Variants in ARHGAP6 observed in about 807,000 individuals in gnomAD.
ARHGAP6 encodes the protein rho GTPase-activating protein 6.
Under a neutral mutation model 55.7 loss-of-function variants are expected in ARHGAP6, and 16 were observed. The ratio of observed to expected loss-of-function variants is 0.29; its 90% CI spans 0.19 to 0.44. The LOEUF is 0.44. Among genes scored for constraint, ARHGAP6 ranks in the 20% least tolerant of loss-of-function variants. The pLI, the probability that ARHGAP6 is intolerant of heterozygous loss-of-function variation, is 1.00. For synonymous variants in ARHGAP6, 382 were observed against 360.9 expected, an observed-to-expected ratio of 1.06 and a Z score of -0.66; for missense variants, 698 against 808.9, an observed-to-expected ratio of 0.86 and a Z score of 1.66.
At chrX:11,382,350 A>C (rs962879640) in intron 1 of ARHGAP6, among the ~76,000 whole-genome samples, 3 of 111,438 alleles carry the variant, frequency 2.7e-5, no homozygotes, top group Non-Finnish European at 5.7e-5. Context: ...GATAGATATA[A>C]AGGTTATTGG....
chrX:11,341,640 T>G (rs2048707728), intron 1 of ARHGAP6, among the ~76,000 whole-genome samples: 3 of 111,944 alleles, frequency 2.7e-5, no homozygotes, highest in Non-Finnish European at 3.8e-5. Flanking sequence ...CTTCACATAT[T>G]ATGCTGACAA....
intron 1 of ARHGAP6, among the ~76,000 whole-genome samples, chrX:11,289,727 C>T (rs1312586029): frequency 8.9e-6 from 1 of 111,918 alleles, no homozygotes; most frequent in Non-Finnish European, 1.9e-5. Flanking sequence ...TGGCTCATGC[C>T]TGTAATCCCA....
intron 2 of ARHGAP6, among the ~76,000 whole-genome samples, chrX:11,229,778 C>T (rs2047101771): frequency 9.0e-6 from 1 of 111,661 alleles, no homozygotes; most frequent in Non-Finnish European, 1.9e-5. Flanking sequence ...GAGAGACTTA[C>T]TCTCATTTTC....
chrX:11,298,411 T>C (rs2048120518), intron 1 of ARHGAP6: 1 of 1,117,819 alleles, frequency 8.9e-7, no homozygotes, highest in Admixed American at 2.2e-5. Flanking sequence ...ATCATATCTG[T>C]GTACACAGTT....
chrX:11,560,278 G>A (rs2051371580), intron 1 of ARHGAP6, among the ~76,000 whole-genome samples: 1 of 112,006 alleles, frequency 8.9e-6, no homozygotes, highest in Non-Finnish European at 1.9e-5. Flanking sequence ...GTAAACAAAT[G>A]CATATGACTG....
In ARHGAP6 at chrX:11,369,194, T is replaced by G. The variant is rs532860506; in HGVS notation, c.589-114487A>C. On this transcript the variant is annotated intron_variant, in intron 1 of 12. Coordinates refer to ENST00000337414, the MANE Select transcript of ARHGAP6 (RefSeq NM_013427.3). Reference sequence around the variant, plus strand: ...TGTTTGTTTGTTTGTTTGTTTGTTTTTTTGCCTACTCCCCTTCCTGATGAT... The same window carrying G: ...TGTTTGTTTGTTTGTTTGTTTGTTTGTTTGCCTACTCCCCTTCCTGATGAT... Among the ~76,000 whole-genome samples the G allele has an allele frequency of 1.9e-4, 21 of 111,349 alleles. No homozygotes were observed. In the South Asian group the frequency reaches 3.8e-3, roughly 20 times the overall value.
chrX:11,186,424 A>G lies in ARHGAP6; in HGVS notation c.1085T>C (p.Met362Thr). The part of the protein sequence containing the change: ...PAPRARRRGA[M>T]SVDSITDLDD... ...AAGATCGGTGATAGAATCCACTGAC[A>G]TGGCACCCTGCAAGTGACACAGAGC... Residue 362 changes from methionine (M) to threonine (T), a missense_variant, in exon 5 of 13, where the codon ATG becomes ACG. By Grantham distance (81) the Met-to-Thr change is moderately conservative (BLOSUM62 -1). Transcript: ENST00000337414. The G allele has an allele frequency of 1.7e-6, 2 of 1,209,751 alleles. No individual in the cohort carries two copies. The highest frequency in any genetic ancestry group is 2.2e-6 in the Non-Finnish European group (2 of 894,106).
intron 1 of ARHGAP6, among the ~76,000 whole-genome samples, chrX:11,460,555 G>A (rs2050234683): frequency 9.0e-6 from 1 of 111,673 alleles, no homozygotes; most frequent in African/African-American, 3.3e-5. Context: ...CTCTTATGCA[G>A]CCAAAACAAT....
At chrX:11,295,616 C>T (rs951537136) in intron 1 of ARHGAP6, among the ~76,000 whole-genome samples, 1 of 110,795 alleles carries the variant, frequency 9.0e-6, no homozygotes, top group Admixed American at 9.6e-5. Context: ...TGCACCCTTG[C>T]CTCCTCTCTT....
chrX:11,276,805 C>T (rs748640334), intron 1 of ARHGAP6, among the ~76,000 whole-genome samples: 21 of 112,194 alleles, frequency 1.9e-4, no homozygotes, highest in Non-Finnish European at 3.2e-4. Context: ...GAAAATCATG[C>T]TTTCTCTGAG....
At chrX:11,172,118 C>T (rs768439186) in intron 8 of ARHGAP6, among the ~76,000 whole-genome samples, 1 of 110,979 alleles carries the variant, frequency 9.0e-6, no homozygotes, top group East Asian at 2.8e-4. Context: ...GCCCTCTGAA[C>T]CCCACTCTCA....
At chrX:11,355,831 G>A (rs1033780430) in intron 1 of ARHGAP6, among the ~76,000 whole-genome samples, 2 of 111,456 alleles carry the variant, frequency 1.8e-5, no homozygotes, top group Non-Finnish European at 3.8e-5. Context: ...AATGGGGAAA[G>A]AGCAGTTTAC....
chrX:11,483,076 C>T (rs1019156334), intron 1 of ARHGAP6, among the ~76,000 whole-genome samples: 5 of 111,845 alleles, frequency 4.5e-5, no homozygotes, highest in African/African-American at 1.6e-4. Context: ...GGAACACAGT[C>T]GAAGGCAGAA....
chrX:11,552,075 TAAAC>T (rs1189177497), intron 1 of ARHGAP6, among the ~76,000 whole-genome samples: 1 of 110,833 alleles, frequency 9.0e-6, no homozygotes, highest in Non-Finnish European at 1.9e-5. Flanking sequence ...AGTAAGAAAA[TAAAC>T]AACCCATTTA....
chrX:11,152,694 G>A (rs1472894745), intron 10 of ARHGAP6, among the ~76,000 whole-genome samples: 2 of 111,889 alleles, frequency 1.8e-5, no homozygotes, highest in Non-Finnish European at 3.8e-5. Flanking sequence ...TTCATGGTCT[G>A]GAGCATTGAT....
chrX:11,602,483 A>C (rs765318544), intron 1 of ARHGAP6, among the ~76,000 whole-genome samples: 155 of 112,822 alleles, frequency 1.4e-3, no homozygotes, highest in African/African-American at 4.8e-3. Flanking sequence ...CAGTGCTACT[A>C]TCATGGGGCC....
intron 1 of ARHGAP6, among the ~76,000 whole-genome samples, chrX:11,435,587 G>A (rs1426847291): frequency 6.3e-5 from 7 of 111,889 alleles, no homozygotes; most frequent in Non-Finnish European, 1.1e-4. Context: ...GACATTTTTA[G>A]TGAGATTCTT....
chrX:11,547,060 C>T (rs1424195801), intron 1 of ARHGAP6, among the ~76,000 whole-genome samples: 2 of 112,340 alleles, frequency 1.8e-5, no homozygotes, highest in Non-Finnish European at 1.9e-5. Flanking sequence ...AATCTTTGGC[C>T]TGTCCAGAAA....
intron 1 of ARHGAP6, among the ~76,000 whole-genome samples, chrX:11,299,482 A>G (rs2048141612): frequency 8.9e-6 from 1 of 112,075 alleles, no homozygotes; most frequent in South Asian, 3.7e-4. Flanking sequence ...GTAGTTTTCA[A>G]TCTAACTTGG....
Sources: gnomAD v4.1 joint callset for allele counts (sites outside exome capture counted in the v4.1 genomes callset) on GRCh38, gnomAD v4.1.1 for gene constraint, MANE v1.5 for transcripts, NCBI Gene and HGNC (gene_info 2026-07-23, HGNC 2026-07-21) for gene names.